USP3: variants seen among roughly 807,000 people sequenced by gnomAD.
The protein encoded by USP3 is ubiquitin specific peptidase 3, also known as ubiquitin carboxyl-terminal hydrolase 3.
Under a neutral mutation model 72.3 loss-of-function variants are expected in USP3, and 20 were observed. The ratio of observed to expected loss-of-function variants is 0.28; its 90% CI spans 0.19 to 0.40. The LOEUF (loss-of-function observed/expected upper bound fraction) is 0.40. USP3 is among the 10% of genes least tolerant of loss of function. The probability of loss-of-function intolerance (pLI) is 1.00; values close to 1 mark genes in which losing one functional copy is unlikely to be tolerated. For synonymous variants in USP3, 222 were observed against 225.3 expected (o/e 0.99, Z 0.13); for missense variants, 479 against 633.9 (o/e 0.76, Z 2.62).
In USP3 at chr15:63,562,901, G is replaced by A; in HGVS notation, c.654G>A (p.Leu218=). 2 of 1,604,860 alleles carry A rather than the reference G, an allele frequency of 1.2e-6. No individual in the cohort carries two copies. The highest frequency in any genetic ancestry group is 1.7e-6 in the Non-Finnish European group (2 of 1,175,936). Reference sequence around the variant, plus strand: ...GTCCTTTCCTCTTTTGCAGGTCTTTGGTAGAAGAGTTTAGAAAGACACTCT... The same window carrying A: ...GTCCTTTCCTCTTTTGCAGGTCTTTAGTAGAAGAGTTTAGAAAGACACTCT... ...TRSQGDNNVS[L]VEEFRKTLCA... is the part of the protein sequence containing the mutation. Residue 218 remains leucine, a synonymous_variant, in exon 8 of 15, where the codon TTG becomes TTA. Coordinates refer to ENST00000380324, the MANE Select transcript of USP3 (RefSeq NM_006537.4).
intron 14 of USP3, 75 bp from the exon 15 acceptor site, chr15:63,590,586 C>G: frequency 1.5e-6 from 2 of 1,328,034 alleles, no homozygotes; most frequent in Non-Finnish European, 2.0e-6. Flanking sequence ...AAATTTAAAT[C>G]TAACATTATA....
rs750177391 is a variant in USP3 at position 63,588,704 on chromosome 15, G to A, written c.1218G>A (p.Val406=). Residue 406 remains valine, a splice_region_variant and synonymous_variant, in exon 13 of 15, where the codon GTG becomes GTA. Transcript: ENST00000380324. This position sits in a 1 kb window ranked among gnomAD's most constrained non-coding sequence, Gnocchi z 4.6. ...TTGACCGCATCTCTGTCCTCCAGGT[G>A]CTATGCTTACATTTGAAAAGATTTC... is the stretch of plus-strand genomic sequence containing the variant. The part of the protein sequence containing the change: ...KKFWIQKLPK[V]LCLHLKRFHW... 40 of 1,609,126 alleles carry A rather than the reference G, an allele frequency of 2.5e-5. No individual in the cohort carries two copies. The Middle Eastern group carries it at 9.9e-4, about 40-fold the overall frequency.
chr15:63,531,622 C>A (rs555881522), intron 1 of USP3, among the ~76,000 whole-genome samples: 6 of 152,164 alleles, frequency 3.9e-5, no homozygotes, highest in Middle Eastern at 3.4e-3. Context: ...TGTTGTGATA[C>A]GGGATTGGGC....
Position 63,554,787 on chromosome 15 carries a change from A to G in USP3, c.368+989A>G, listed in dbSNP as rs144152098. Among the ~76,000 whole-genome samples the G allele has an allele frequency of 1.3e-3, 194 of 152,290 alleles. 1 individual carries two copies. The highest frequency in any genetic ancestry group is 3.9e-3 in the Admixed American group (60 of 15,298). ...TAAAGCCAATACTGGAAGAATAATGATTTCTTTAAATCTAAACCAATTAAA... is the reference window on the plus strand; with the variant it reads ...TAAAGCCAATACTGGAAGAATAATGGTTTCTTTAAATCTAAACCAATTAAA... On this transcript the variant is annotated intron_variant, in intron 4 of 14. Transcript: ENST00000380324.
chr15:63,551,581 T>C (rs1422699523), intron 3 of USP3, among the ~76,000 whole-genome samples: 1 of 152,118 alleles, frequency 6.6e-6, no homozygotes, highest in African/African-American at 2.4e-5. Flanking sequence ...ACTAGATTGG[T>C]GATACGCTTT....
At chr15:63,560,342 A>G (rs1312876015) in intron 7 of USP3, among the ~76,000 whole-genome samples, 1 of 151,040 alleles carries the variant, frequency 6.6e-6, no homozygotes, top group Non-Finnish European at 1.5e-5. Flanking sequence ...CTTGAACCCA[A>G]GAGGCAGAGG....
At chr15:63,545,016 TAGAA>T (rs1272235641) in intron 3 of USP3, among the ~76,000 whole-genome samples, 2 of 152,026 alleles carry the variant, frequency 1.3e-5, no homozygotes, top group Non-Finnish European at 2.9e-5. Flanking sequence ...TGAGAGTGTA[TAGAA>T]AGAAAAGTAG....
intron 11 of USP3, among the ~76,000 whole-genome samples, chr15:63,583,103 G>T (rs1216125645): frequency 6.6e-6 from 1 of 152,068 alleles, no homozygotes; most frequent in African/African-American, 2.4e-5. Flanking sequence ...GTCTGTACAG[G>T]TTAAATATAG....
chr15:63,520,545 C>T (rs1472724512), intron 1 of USP3, among the ~76,000 whole-genome samples: 1 of 111,402 alleles, frequency 9.0e-6, no homozygotes, highest in Admixed American at 9.0e-5. Context: ...TGTTTGATTT[C>T]TGTTTTAGAT....
At chr15:63,538,264 G>C (rs1425803927) in intron 3 of USP3, among the ~76,000 whole-genome samples, 1 of 152,118 alleles carries the variant, frequency 6.6e-6, no homozygotes, top group Non-Finnish European at 1.5e-5. Flanking sequence ...GTTTTAATCA[G>C]CTTTCCCTTG....
At chr15:63,551,200 A>G (rs2066431374) in intron 3 of USP3, 2 of 152,142 alleles carry the variant, frequency 1.3e-5, no homozygotes, top group Admixed American at 6.6e-5. Flanking sequence ...ACTGTTGTTT[A>G]TTATCTTAAA....
Position 63,529,072 on chromosome 15 carries a change from C to G in USP3, c.92-3575C>G, listed in dbSNP as rs1005420635. 7.8e-7 allele frequency: 1 copy of G among 1,288,238 alleles called. No individual in the cohort carries two copies. Among genetic ancestry groups the G allele is most frequent in the African/African-American group, 1.5e-5 (1 of 65,920 alleles). 79.8% of individuals were successfully genotyped at this position (1,288,238 alleles called of 1,614,324 possible). A position where few individuals can be genotyped will look rare whatever the true frequency, so the allele number is the denominator to read the frequency against. ...GCCCTCAGAGAGTACTGTATGTTGC[C>G]CAGGCTGGCCTCGAACTCTAGGCTC... is the stretch of plus-strand genomic sequence containing the variant. On this transcript the variant is annotated intron_variant, in intron 1 of 14. Coordinates refer to ENST00000380324, the MANE Select transcript of USP3 (RefSeq NM_006537.4). This position sits in a 1 kb window ranked among gnomAD's most constrained non-coding sequence, Gnocchi z 4.2.
intron 7 of USP3, 68 bp downstream of exon 7, chr15:63,560,038 C>T: frequency 7.2e-7 from 1 of 1,390,558 alleles, no homozygotes; most frequent in Admixed American, 2.1e-5. Flanking sequence ...TGGTGGTTTC[C>T]ATTGTACTAA....
chr15:63,524,757 G>A (rs573414913), intron 1 of USP3, among the ~76,000 whole-genome samples: 14 of 152,156 alleles, frequency 9.2e-5, no homozygotes, highest in South Asian at 4.2e-4. Flanking sequence ...CTTACATGGC[G>A]GCTGGCTCTC....
chr15:63,507,882 C>A (rs146991015), intron 1 of USP3, among the ~76,000 whole-genome samples: 13 of 110,008 alleles, frequency 1.2e-4, no homozygotes, highest in Non-Finnish European at 1.9e-4. Flanking sequence ...TATTAATATG[C>A]TTACAAATAA....
chr15:63,516,801 TTTTTAA>T (rs2065856078), intron 1 of USP3, among the ~76,000 whole-genome samples: 1 of 151,876 alleles, frequency 6.6e-6, no homozygotes, highest in Non-Finnish European at 1.5e-5. Flanking sequence ...TTTTATTTTA[TTTTTAA>T]TAGGAAGTGA....
intron 1 of USP3, among the ~76,000 whole-genome samples, chr15:63,519,659 A>G (rs542514161): frequency 5.9e-5 from 9 of 152,322 alleles, no homozygotes; most frequent in Non-Finnish European, 8.8e-5. Flanking sequence ...GATTATGTAT[A>G]TACCTCGTTT....
At chr15:63,558,972 G>A (rs575889350) in intron 6 of USP3, among the ~76,000 whole-genome samples, 92 of 152,320 alleles carry the variant, frequency 6.0e-4, no homozygotes, top group African/African-American at 2.1e-3. Context: ...GATTTGGCCT[G>A]TGGGCTACAG....
chr15:63,524,394 C>A (rs2065953644), intron 1 of USP3, among the ~76,000 whole-genome samples: 3 of 152,208 alleles, frequency 2.0e-5, no homozygotes, highest in Admixed American at 2.0e-4. Context: ...ATCACTGATA[C>A]TGCTCCCTCT....
Sources: gnomAD v4.1 joint callset for allele counts (sites outside exome capture counted in the v4.1 genomes callset) on GRCh38, gnomAD v4.1.1 for gene constraint, Gnocchi (gnomAD v3.1) non-coding constraint, MANE v1.5 for transcripts, NCBI Gene and HGNC (gene_info 2026-07-23, HGNC 2026-07-21) for gene names.